The following TMPRSS4 variants were observed in gnomAD, a reference collection of about 807,000 sequenced individuals.
TMPRSS4 encodes the protein transmembrane serine protease 4, also known as transmembrane protease serine 4.
A neutral mutation model predicts 56.4 loss-of-function variants in TMPRSS4; 45 were observed. The ratio of observed to expected loss-of-function variants is 0.80; its 90% CI spans 0.63 to 1.02. The LOEUF (loss-of-function observed/expected upper bound fraction) is 1.02. TMPRSS4 is among the 50% of genes least tolerant of loss of function. The pLI is 0.00. For synonymous variants in TMPRSS4, 205 were observed against 211.0 expected, an observed-to-expected ratio of 0.97 and a Z score of 0.25; for missense variants, 546 against 556.7, an observed-to-expected ratio of 0.98 and a Z score of 0.19.
At chr11:118,078,439 C>A (rs138907910) in intron 1 of TMPRSS4, among the ~76,000 whole-genome samples, 266 of 152,302 alleles carry the variant, frequency 1.7e-3, no homozygotes, top group African/African-American at 6.2e-3. Flanking sequence ...GCACTTCCCA[C>A]GACACTCTTC....
intron 1 of TMPRSS4, among the ~76,000 whole-genome samples, chr11:118,086,567 C>G (rs925817970): frequency 6.6e-6 from 1 of 152,196 alleles, no homozygotes. Context: ...GGCTGGTGGC[C>G]GACCTGCCTA....
chr11:118,090,848 A>AC (rs1945900278), intron 1 of TMPRSS4, among the ~76,000 whole-genome samples: 1 of 151,630 alleles, frequency 6.6e-6, no homozygotes, highest in Non-Finnish European at 1.5e-5. Flanking sequence ...ACACACACAC[A>AC]AAATTAGCCA....
intron 2 of TMPRSS4, among the ~76,000 whole-genome samples, chr11:118,096,818 AGAAAGAGAGAAAGAAAGAAG>A (rs146351655): frequency 0.31 from 7,350 of 23,392 alleles, 2,707 homozygotes; most frequent in Non-Finnish European, 0.37. Flanking sequence ...GAAAAAAGAA[AGAAAGAGAGAAAGAAAGAAG>A]GAAAGAAGGA....
chr11:118,117,842 C>T, intron 12 of TMPRSS4, 60 bp from the exon 13 acceptor site: 2 of 1,613,998 alleles, frequency 1.2e-6, no homozygotes, highest in South Asian at 1.1e-5. Flanking sequence ...TTACACATGT[C>T]ACCACTTTGT....
intron 7 of TMPRSS4, among the ~76,000 whole-genome samples, chr11:118,110,110 TG>T (rs1289884964): frequency 6.6e-6 from 1 of 152,162 alleles, no homozygotes; most frequent in Non-Finnish European, 1.5e-5. Flanking sequence ...GGCTAAACAC[TG>T]AAAAATGCAT....
chr11:118,094,027 C>T (rs2135333770), intron 1 of TMPRSS4, among the ~76,000 whole-genome samples: 1 of 152,296 alleles, frequency 6.6e-6, no homozygotes, highest in Admixed American at 6.5e-5. Context: ...ACCAGTTTAT[C>T]CACTCTACCA....
chr11:118,114,300 C>T (rs2135456032), intron 9 of TMPRSS4, among the ~76,000 whole-genome samples: 1 of 152,242 alleles, frequency 6.6e-6, no homozygotes, highest in Non-Finnish European at 1.5e-5. Context: ...GATACAGACA[C>T]AGCTATCTTT....
intron 11 of TMPRSS4, among the ~76,000 whole-genome samples, chr11:118,117,090 C>T (rs985645589): frequency 2.0e-5 from 3 of 152,172 alleles, no homozygotes; most frequent in Non-Finnish European, 2.9e-5. Context: ...AGAAGGCTAA[C>T]GGCATGCTTG....
chr11:118,085,381 G>A (rs749733608), intron 1 of TMPRSS4, among the ~76,000 whole-genome samples: 2 of 151,814 alleles, frequency 1.3e-5, no homozygotes, highest in African/African-American at 2.4e-5. Flanking sequence ...CTGCCACCAC[G>A]CCCAGCTAAT....
chr11:118,091,582 A>G (rs1293674705), intron 1 of TMPRSS4, among the ~76,000 whole-genome samples: 1 of 151,962 alleles, frequency 6.6e-6, no homozygotes, highest in Non-Finnish European at 1.5e-5. Context: ...TTCTTTGGGC[A>G]CTATTTTCCC....
rs1947703792 is a variant in TMPRSS4, at chr11:118,119,149, CAAAACAAAAT to C, written c.*1246_*1255del. On this transcript the variant is annotated 3_prime_UTR_variant, in exon 13 of 13. Coordinates refer to ENST00000437212, the MANE Select transcript of TMPRSS4 (RefSeq NM_019894.4). ...ACAAAGAAAATAGAAACCCAGAAAACAAAACAAAATAAAACAAAACCATCAGAACTGTGAG... is the reference window on the plus strand; with the variant it reads ...ACAAAGAAAATAGAAACCCAGAAAACAAAACAAAACCATCAGAACTGTGAG... 3 of 985,220 alleles carry C rather than the reference CAAAACAAAAT, an allele frequency of 3.0e-6. No individual in the cohort carries two copies. The highest frequency in any genetic ancestry group is 3.6e-6 in the Non-Finnish European group (3 of 829,920). 61.0% of individuals were successfully genotyped at this position (985,220 alleles called of 1,614,324 possible).
intron 11 of TMPRSS4, chr11:118,115,583 G>T: frequency 3.7e-6 from 1 of 270,188 alleles, no homozygotes. Context: ...ACTTTGGGAG[G>T]CTGAGGCGGG....
At chr11:118,093,416 G>A (rs570108427) in intron 1 of TMPRSS4, among the ~76,000 whole-genome samples, 1 of 152,334 alleles carries the variant, frequency 6.6e-6, no homozygotes, top group East Asian at 1.9e-4. Context: ...CCTGGGTGGA[G>A]ACCTAGACCA....
At chr11:118,098,430 C>T (rs186793732) in intron 2 of TMPRSS4, among the ~76,000 whole-genome samples, 230 of 152,340 alleles carry the variant, frequency 1.5e-3, no homozygotes, top group African/African-American at 4.8e-3. Context: ...TCTGCCTCTT[C>T]CCCCAGATGG....
At chr11:118,111,701 C>A (rs536166283) in intron 7 of TMPRSS4, 40 bp from the exon 8 acceptor site, 2 of 1,515,202 alleles carry the variant, frequency 1.3e-6, no homozygotes, top group South Asian at 2.6e-5. Context: ...TCCCCAACAG[C>A]CTGACTTCCT....
At chr11:118,092,760 A>G (rs1946051286) in intron 1 of TMPRSS4, among the ~76,000 whole-genome samples, 1 of 152,262 alleles carries the variant, frequency 6.6e-6, no homozygotes, top group South Asian at 2.1e-4. Context: ...CCTAGGAATG[A>G]ACAAGGACAG....
At chr11:118,099,745 G>C (rs1946642037) in intron 3 of TMPRSS4, among the ~76,000 whole-genome samples, 1 of 152,116 alleles carries the variant, frequency 6.6e-6, no homozygotes. Flanking sequence ...GAAGAACAGG[G>C]CGAGTTTCTG....
intron 1 of TMPRSS4, among the ~76,000 whole-genome samples, chr11:118,080,670 G>A (rs1262807278): frequency 6.6e-6 from 1 of 152,172 alleles, no homozygotes; most frequent in Admixed American, 6.5e-5. Context: ...TAAGAAATGA[G>A]GAGAGACCAG....
rs1235601086 is a variant in TMPRSS4 at position 118,120,355 on chromosome 11, G to C, written c.*2442G>C. 6.6e-6 allele frequency: 1 copy of C among 152,060 alleles called. No individual in the cohort carries two copies. Among genetic ancestry groups the C allele is most frequent in the African/African-American group, 2.4e-5 (1 of 41,406 alleles). 9.4% of individuals were successfully genotyped at this position (152,060 alleles called of 1,614,324 possible). A position where few individuals can be genotyped will look rare whatever the true frequency, so the allele number is the denominator to read the frequency against. On this transcript the variant is annotated 3_prime_UTR_variant, in exon 13 of 13. Transcript: ENST00000437212. Reference sequence around the variant, plus strand: ...CAGAAGTGGAATTGCTGGATCATATGGTAATTCTATTTTGAATTTTTTGAG... The same window carrying C: ...CAGAAGTGGAATTGCTGGATCATATCGTAATTCTATTTTGAATTTTTTGAG...
Sources: gnomAD v4.1 joint callset for allele counts (sites outside exome capture counted in the v4.1 genomes callset) on GRCh38, gnomAD v4.1.1 for gene constraint, MANE v1.5 for transcripts, NCBI Gene and HGNC (gene_info 2026-07-23, HGNC 2026-07-21) for gene names.